The following CNBD1 variants were observed in gnomAD, a reference collection of about 807,000 sequenced individuals.
CNBD1 encodes cyclic nucleotide binding domain containing 1.
In CNBD1, 71 loss-of-function variants were observed where a neutral mutation model predicts 54.4. That is an observed-to-expected ratio of 1.30 (90% CI 1.08 to 1.59). CNBD1 has a LOEUF of 1.59. Among genes scored for constraint, CNBD1 ranks in the 40% most tolerant of loss-of-function variants. The pLI is 0.00. For synonymous variants in CNBD1, 182 were observed against 170.7 expected (o/e 1.07, Z -0.51); for missense variants, 659 against 518.0 (o/e 1.27, Z -2.64).
intron 2 of CNBD1, among the ~76,000 whole-genome samples, chr8:87,414,180 T>G (rs1807799009): frequency 6.6e-6 from 1 of 152,050 alleles, no homozygotes; most frequent in Non-Finnish European, 1.5e-5. Context: ...CACCATGGAA[T>G]ACTATGCAGC....
chr8:87,339,247 T>G (rs1293325434), intron 8 of CNBD1, among the ~76,000 whole-genome samples: 1 of 152,186 alleles, frequency 6.6e-6, no homozygotes, highest in Non-Finnish European at 1.5e-5. Context: ...ATGCTAAAAC[T>G]CCAGGATGTA....
intron 4 of CNBD1, among the ~76,000 whole-genome samples, chr8:87,190,887 G>GATATAGGTACATGTACC (rs1563501596): frequency 0.3 from 36,527 of 123,000 alleles, 8,113 homozygotes; most frequent in Non-Finnish European, 0.35. Flanking sequence ...ATACATGTAC[G>GATATAGGTACATGTACC]TATATCTATT....
chr8:87,157,030 T>G (rs186810220), intron 4 of CNBD1, among the ~76,000 whole-genome samples: 1 of 152,122 alleles, frequency 6.6e-6, no homozygotes, highest in Non-Finnish European at 1.5e-5. Context: ...CCCTGTACAT[T>G]GAGGGAGTTA....
chr8:87,363,009 G>A (rs78251986), intron 10 of CNBD1, among the ~76,000 whole-genome samples: 2,842 of 151,672 alleles, frequency 0.019, 90 homozygotes, highest in African/African-American at 0.062. Flanking sequence ...CCTCTAGTAC[G>A]CCCCACCCAA....
At chr8:87,124,023 T>C (rs1285605820) in intron 4 of CNBD1, among the ~76,000 whole-genome samples, 1 of 151,684 alleles carries the variant, frequency 6.6e-6, no homozygotes, top group Admixed American at 6.6e-5. Context: ...CTTGATTGGA[T>C]GGCTTCACTG....
intron 1 of CNBD1, among the ~76,000 whole-genome samples, chr8:86,870,665 T>C (rs575019071): frequency 7.9e-5 from 12 of 152,314 alleles, no homozygotes; most frequent in African/African-American, 2.9e-4. Flanking sequence ...TAAAGGTATA[T>C]ATTTGAAAAA....
chr8:87,132,717 G>T (rs1812144128), intron 4 of CNBD1, among the ~76,000 whole-genome samples: 3 of 144,700 alleles, frequency 2.1e-5, no homozygotes, highest in South Asian at 4.3e-4. Flanking sequence ...ATATATATTT[G>T]CATATATATG....
At chr8:87,137,969 A>T (rs1183252485) in intron 4 of CNBD1, among the ~76,000 whole-genome samples, 1 of 152,164 alleles carries the variant, frequency 6.6e-6, no homozygotes, top group Non-Finnish European at 1.5e-5. Context: ...GGGGGAAAAA[A>T]GGAGAAGCAT....
chr8:86,938,835 A>G (rs1809597628), intron 3 of CNBD1, among the ~76,000 whole-genome samples: 1 of 152,224 alleles, frequency 6.6e-6, no homozygotes, highest in South Asian at 2.1e-4. Context: ...TAAGAATGCA[A>G]CAAGTTATAT....
At position 87,227,939 on chromosome 8, in the gene CNBD1, T is replaced by C. The variant is rs1328132457; in HGVS notation, c.578-8980T>C. ...ATATTTCTTGGAGGCTTTGCTCATTTCTTTTTATTCTTTTTTCTCTAAACT... is the reference window on the plus strand; with the variant it reads ...ATATTTCTTGGAGGCTTTGCTCATTCCTTTTTATTCTTTTTTCTCTAAACT... On this transcript the variant is annotated intron_variant, in intron 5 of 10. Transcript: ENST00000518476. Among the ~76,000 whole-genome samples the C allele has an allele frequency of 1.5e-4, 23 of 149,640 alleles. 1 individual carries two copies. Among genetic ancestry groups the C allele is most frequent in the African/African-American group, 5.1e-4 (20 of 39,486 alleles).
At chr8:87,199,644 T>C (rs1220657709) in intron 4 of CNBD1, among the ~76,000 whole-genome samples, 1 of 152,206 alleles carries the variant, frequency 6.6e-6, no homozygotes, top group Non-Finnish European at 1.5e-5. Context: ...AATTTCTTCA[T>C]CTTCCGTAAC....
At chr8:86,873,003 A>C (rs1303209108) in intron 1 of CNBD1, among the ~76,000 whole-genome samples, 1 of 152,034 alleles carries the variant, frequency 6.6e-6, no homozygotes, top group Non-Finnish European at 1.5e-5. Flanking sequence ...GAGCCCAGGA[A>C]TTTGAGGTGA....
chr8:87,241,268 A>ATTTTTTTTTTTTTTTTTTT lies in CNBD1; in HGVS notation c.771+4161_771+4179dup, dbSNP rs34829455. The stretch of plus-strand genomic sequence containing the variant: ...GGGCACAAAAATCTGTATTTGGAAG[A>ATTTTTTTTTTTTTTTTTTT]TTTTTTTTTTTTTTTTTTTTTTTGA... On this transcript the variant is annotated intron_variant, in intron 6 of 10. Transcript: ENST00000518476. Among the ~76,000 whole-genome samples the ATTTTTTTTTTTTTTTTTTT allele has an allele frequency of 4.6e-4, 43 of 93,858 alleles. 2 individuals carry two copies. Among genetic ancestry groups the ATTTTTTTTTTTTTTTTTTT allele is most frequent in the African/African-American group, 1.9e-3 (39 of 20,510 alleles). The allele number at this position is 93,858 out of a possible 152,430, so 61.6% of individuals were successfully genotyped here. A position where few individuals can be genotyped will look rare whatever the true frequency, so the allele number is the denominator to read the frequency against.
chr8:87,248,416 G>C (rs532431264), intron 6 of CNBD1, among the ~76,000 whole-genome samples: 4 of 152,226 alleles, frequency 2.6e-5, no homozygotes, highest in Non-Finnish European at 5.9e-5. Context: ...AATGCAGTTA[G>C]CCACTAAGAA....
At chr8:87,376,480 C>T (rs138399386) in intron 10 of CNBD1, among the ~76,000 whole-genome samples, 1 of 151,864 alleles carries the variant, frequency 6.6e-6, no homozygotes, top group African/African-American at 2.4e-5. Flanking sequence ...CCATTTAGCC[C>T]ATGACACATG....
intron 6 of CNBD1, among the ~76,000 whole-genome samples, chr8:87,273,769 A>C (rs1333642547): frequency 6.6e-6 from 1 of 151,830 alleles, no homozygotes; most frequent in African/African-American, 2.4e-5. Context: ...TTGACAAATA[A>C]GTTTTTTTTT....
chr8:87,002,961 C>T (rs193168669), intron 4 of CNBD1, among the ~76,000 whole-genome samples: 2 of 152,152 alleles, frequency 1.3e-5, no homozygotes, highest in East Asian at 1.9e-4. Flanking sequence ...GTCATTTCTT[C>T]CCTAGAAAAG....
Position 87,044,013 on chromosome 8 carries a change from A to G in CNBD1, c.431+104259A>G, listed in dbSNP as rs1328438377. 9.8e-5 allele frequency among the ~76,000 whole-genome samples: 15 copies of G among 152,326 alleles called. No individual in the cohort carries two copies. The East Asian group carries it at 2.5e-3, about 26-fold the overall frequency. Reference sequence around the variant, plus strand: ...AGAAAGAGCCACACATGGTGAAATAATCTCTATGATCTGAGTCATTATTTG... The same window carrying G: ...AGAAAGAGCCACACATGGTGAAATAGTCTCTATGATCTGAGTCATTATTTG... On this transcript the variant is annotated intron_variant, in intron 4 of 10. Coordinates refer to ENST00000518476, the MANE Select transcript of CNBD1 (RefSeq NM_173538.3).
intron 2 of CNBD1, among the ~76,000 whole-genome samples, chr8:87,408,335 C>G (rs1435341393): frequency 6.6e-6 from 1 of 151,986 alleles, no homozygotes; most frequent in East Asian, 1.9e-4. Context: ...ATTTCACCTT[C>G]TTATTAATCC....
Sources: gnomAD v4.1 joint callset for allele counts (sites outside exome capture counted in the v4.1 genomes callset) on GRCh38, gnomAD v4.1.1 for gene constraint, MANE v1.5 for transcripts, NCBI Gene and HGNC (gene_info 2026-07-23, HGNC 2026-07-21) for gene names.